Variants in LUZP2 observed in about 807,000 individuals in gnomAD.
LUZP2 encodes the protein leucine zipper protein 2.
A neutral mutation model predicts 51.6 loss-of-function variants in LUZP2; 52 were observed. That is an observed-to-expected ratio of 1.01 (90% CI 0.81 to 1.27). LUZP2 has a LOEUF of 1.27. Among genes scored for constraint, LUZP2 ranks in the 50% most tolerant of loss-of-function variants. The pLI, the probability that LUZP2 is intolerant of heterozygous loss-of-function variation, is 0.00. For missense variants in LUZP2, 436 were observed against 395.4 expected (o/e 1.10, Z -0.87); for synonymous variants, 154 against 137.3 (o/e 1.12, Z -0.85).
rs1400741461 is a variant in LUZP2, at chr11:24,962,047, C to G, written c.523-14544C>G. 4.6e-5 allele frequency among the ~76,000 whole-genome samples: 7 copies of G among 151,776 alleles called. No homozygotes were observed. The South Asian group carries it at 6.2e-4, about 14-fold the overall frequency. On this transcript the variant is annotated intron_variant, in intron 7 of 11. Coordinates refer to ENST00000336930, the MANE Select transcript of LUZP2 (RefSeq NM_001009909.4). ...GATATGAAATTCTGGGTTGAAAATTCTTTTCTTTAAGAATGTTGAATATTG... is the reference window on the plus strand; with the variant it reads ...GATATGAAATTCTGGGTTGAAAATTGTTTTCTTTAAGAATGTTGAATATTG...
In LUZP2 at chr11:25,079,926, A is replaced by G; in HGVS notation, c.*1268A>G. The G allele has an allele frequency of 6.6e-6, 1 of 152,178 alleles. No individual in the cohort carries two copies. The highest frequency in any genetic ancestry group is 1.9e-4 in the East Asian group (1 of 5,198). 9.4% of individuals were successfully genotyped at this position (152,178 alleles called of 1,614,324 possible). A position where few individuals can be genotyped will look rare whatever the true frequency, so the allele number is the denominator to read the frequency against. On this transcript the variant is annotated 3_prime_UTR_variant, in exon 12 of 12. Transcript: ENST00000336930. ...AGTTAATAAAAATGTATTAAAGGAA[A>G]TCTTTAATCAATAAATGAACTTAGA...
intron 5 of LUZP2, among the ~76,000 whole-genome samples, chr11:24,790,416 A>T (rs1849374757): frequency 6.6e-6 from 1 of 152,094 alleles, no homozygotes; most frequent in African/African-American, 2.4e-5. Context: ...CGCTTGCTTT[A>T]CTTGTCTTTC....
intron 5 of LUZP2, among the ~76,000 whole-genome samples, chr11:24,824,308 G>A (rs545399206): frequency 1.0e-4 from 13 of 129,330 alleles, no homozygotes; most frequent in African/African-American, 3.7e-4. Context: ...GGAAGTTGCG[G>A]TGAGCCAAGA....
At chr11:24,627,972 A>G (rs1351603977) in intron 1 of LUZP2, among the ~76,000 whole-genome samples, 1 of 152,180 alleles carries the variant, frequency 6.6e-6, no homozygotes, top group Non-Finnish European at 1.5e-5. Context: ...AGAGCTAGTC[A>G]AACAAATTAG....
intron 1 of LUZP2, among the ~76,000 whole-genome samples, chr11:24,585,920 T>A (rs1388449475): frequency 2.6e-5 from 4 of 152,220 alleles, no homozygotes; most frequent in African/African-American, 9.6e-5. Context: ...TAATTAGTCT[T>A]GTTCAGGGGC....
chr11:24,713,094 A>G (rs1857900292), intron 1 of LUZP2, among the ~76,000 whole-genome samples: 1 of 152,214 alleles, frequency 6.6e-6, no homozygotes, highest in Non-Finnish European at 1.5e-5. Flanking sequence ...AGTTTGCATT[A>G]GCAGACCTTG....
intron 1 of LUZP2, among the ~76,000 whole-genome samples, chr11:24,638,699 AG>A (rs145769658): frequency 0.13 from 19,744 of 151,472 alleles, 1,539 homozygotes; most frequent in East Asian, 0.3. Flanking sequence ...AGTGGAAATT[AG>A]TGAGATATAA....
At chr11:24,513,004 C>T (rs917915078) in intron 1 of LUZP2, among the ~76,000 whole-genome samples, 3 of 152,132 alleles carry the variant, frequency 2.0e-5, no homozygotes, top group African/African-American at 7.2e-5. Flanking sequence ...GTGATCCACC[C>T]GCCTCGGCCT....
In LUZP2 at chr11:24,914,015, T is replaced by C. The variant is rs963743624; in HGVS notation, c.460-461T>C. ...CAACATTCAGCTCAGCATGTTAGTA[T>C]TGTAGCAGCTTTTCTTGCTTCCGAT... On this transcript the variant is annotated intron_variant, in intron 6 of 11. Coordinates refer to ENST00000336930, the MANE Select transcript of LUZP2 (RefSeq NM_001009909.4). 3.9e-5 allele frequency among the ~76,000 whole-genome samples: 6 copies of C among 152,160 alleles called. No individual in the cohort carries two copies. In the East Asian group the frequency reaches 1.2e-3, roughly 29 times the overall value.
chr11:24,612,343 A>G (rs1387081854), intron 1 of LUZP2, among the ~76,000 whole-genome samples: 1 of 152,164 alleles, frequency 6.6e-6, no homozygotes, highest in Non-Finnish European at 1.5e-5. Flanking sequence ...TTTGTGGTAG[A>G]GGAATAAAAC....
chr11:24,506,627 G>A (rs1267325629), intron 1 of LUZP2, among the ~76,000 whole-genome samples: 1 of 152,086 alleles, frequency 6.6e-6, no homozygotes, highest in African/African-American at 2.4e-5. Context: ...TTTATAGAAT[G>A]ATAACCTACA....
intron 5 of LUZP2, among the ~76,000 whole-genome samples, chr11:24,863,596 G>C (rs966291795): frequency 6.6e-6 from 1 of 151,256 alleles, no homozygotes; most frequent in Admixed American, 6.6e-5. Flanking sequence ...ATTTTTTGGG[G>C]GGAAGCGGTG....
chr11:24,838,612 G>T (rs968910548), intron 5 of LUZP2, among the ~76,000 whole-genome samples: 1 of 151,530 alleles, frequency 6.6e-6, no homozygotes, highest in Non-Finnish European at 1.5e-5. Flanking sequence ...GTTCACTTTT[G>T]TGTCTAATAA....
intron 1 of LUZP2, among the ~76,000 whole-genome samples, chr11:24,540,938 A>G (rs980333822): frequency 1.3e-5 from 2 of 152,140 alleles, no homozygotes; most frequent in African/African-American, 4.8e-5. Context: ...CCAAAGATGT[A>G]AACGTGACAC....
chr11:24,642,910 AT>A (rs1855340635), intron 1 of LUZP2, among the ~76,000 whole-genome samples: 1 of 152,100 alleles, frequency 6.6e-6, no homozygotes, highest in South Asian at 2.1e-4. Flanking sequence ...TGAGTGGGAG[AT>A]TGTTGCTAAA....
intron 7 of LUZP2, among the ~76,000 whole-genome samples, chr11:24,933,063 A>G (rs769943372): frequency 1.3e-5 from 2 of 152,160 alleles, no homozygotes; most frequent in Non-Finnish European, 2.9e-5. Context: ...ATAAGGTCAA[A>G]TCATTCTCCC....
chr11:24,858,543 G>T, intron 5 of LUZP2, among the ~76,000 whole-genome samples: 1 of 152,000 alleles, frequency 6.6e-6, no homozygotes, highest in Admixed American at 6.6e-5. Flanking sequence ...GTATTTCTAC[G>T]GGCATTGAGT....
chr11:24,780,882 C>T (rs1350867618), intron 5 of LUZP2, among the ~76,000 whole-genome samples: 1 of 152,152 alleles, frequency 6.6e-6, no homozygotes, highest in Non-Finnish European at 1.5e-5. Flanking sequence ...CTACTAAAGA[C>T]ACCAACTTAA....
intron 1 of LUZP2, among the ~76,000 whole-genome samples, chr11:24,568,355 G>C (rs35814960): frequency 0.42 from 53,429 of 127,362 alleles, 9,943 homozygotes; most frequent in Middle Eastern, 0.54. Context: ...ATCTGTCTCA[G>C]AAAAAAAAAA....
Sources: allele counts gnomAD v4.1 joint callset (sites outside exome capture counted in the v4.1 genomes callset), GRCh38; gene constraint gnomAD v4.1.1; transcripts MANE v1.5; gene names NCBI Gene and HGNC (gene_info 2026-07-23, HGNC 2026-07-21).